Variants in MACROD2 observed in about 807,000 individuals in gnomAD.
MACROD2 encodes the protein ADP-ribose glycohydrolase MACROD2.
MACROD2 carries 36 observed loss-of-function variants against 70.4 expected under a neutral mutation model. That is an observed-to-expected ratio of 0.51 (90% CI 0.39 to 0.68). The LOEUF (loss-of-function observed/expected upper bound fraction) is 0.68. Ranked by LOEUF, MACROD2 falls within the 30% of genes least tolerant of loss-of-function variation. The pLI, the probability that MACROD2 is intolerant of heterozygous loss-of-function variation, is 0.00. For missense variants in MACROD2, 496 were observed against 538.4 expected, an observed-to-expected ratio of 0.92 and a Z score of 0.78; for synonymous variants, 172 against 178.8, an observed-to-expected ratio of 0.96 and a Z score of 0.30.
intron 8 of MACROD2, among the ~76,000 whole-genome samples, chr20:15,633,880 T>TTTTCTTA (rs1568941939): frequency 1.3e-5 from 2 of 152,210 alleles, no homozygotes; most frequent in Non-Finnish European, 2.9e-5. Context: ...AAGAAAAAGT[T>TTTTCTTA]CAACCTCTTT....
intron 5 of MACROD2, among the ~76,000 whole-genome samples, chr20:14,719,695 G>A (rs746351288): frequency 4.6e-5 from 7 of 151,970 alleles, no homozygotes; most frequent in East Asian, 1.9e-4. Context: ...CCAAATTCCC[G>A]GAAATGTTGT....
In MACROD2 at chr20:15,779,462, A is replaced by G. The variant is rs574235836; in HGVS notation, c.646-83283A>G. ...ATTCAGTGTGATGCTGTGAAACTCA[A>G]CCAATAACAGTTTGAAAGTGTGCCC... On this transcript the variant is annotated intron_variant, in intron 8 of 17. Coordinates refer to ENST00000684519, the MANE Select transcript of MACROD2 (RefSeq NM_001351661.2). Among the ~76,000 whole-genome samples, 5 of 152,284 alleles carry G rather than the reference A, an allele frequency of 3.3e-5. No individual in the cohort carries two copies. In the South Asian group the frequency reaches 1.0e-3, roughly 32 times the overall value.
chr20:15,172,312 A>G (rs2076428496), intron 5 of MACROD2, among the ~76,000 whole-genome samples: 1 of 152,214 alleles, frequency 6.6e-6, no homozygotes, highest in South Asian at 2.1e-4. Context: ...AAATCTGGAG[A>G]CCGGACAAAA....
intron 8 of MACROD2, among the ~76,000 whole-genome samples, chr20:15,513,509 G>T (rs1421654491): frequency 1.3e-5 from 2 of 152,134 alleles, no homozygotes; most frequent in Non-Finnish European, 2.9e-5. Flanking sequence ...GCAGCTTAGA[G>T]CCTTGAACTA....
In MACROD2 at chr20:15,570,453, G is replaced by A. The variant is rs1420438; in HGVS notation, c.645+70606G>A. 7.2e-5 allele frequency among the ~76,000 whole-genome samples: 11 copies of A among 151,992 alleles called. No individual in the cohort carries two copies. In the South Asian group the frequency reaches 1.0e-3, roughly 14 times the overall value. On this transcript the variant is annotated intron_variant, in intron 8 of 17. Coordinates refer to ENST00000684519, the MANE Select transcript of MACROD2 (RefSeq NM_001351661.2). ...ACGGAGAATAGAATGACTACAACTC[G>A]TATGTACATCTTTTAGTTATGAACG... is the stretch of plus-strand genomic sequence containing the variant.
intron 7 of MACROD2, among the ~76,000 whole-genome samples, chr20:15,488,891 G>A: frequency 6.6e-6 from 1 of 152,266 alleles, no homozygotes; most frequent in East Asian, 1.9e-4. Flanking sequence ...GGAACAGCTT[G>A]CATAGAATAG....
Position 15,896,606 on chromosome 20 carries a change from A to T in MACROD2, c.775+10795A>T, listed in dbSNP as rs191787025. ...CTCTTTCTCTTTCCTGGAAATTAGA[A>T]CAAATTTTTTGAAGGAAGAAATATT... On this transcript the variant is annotated intron_variant, in intron 10 of 17. Transcript: ENST00000684519. Among the ~76,000 whole-genome samples, 29 of 152,088 alleles carry T rather than the reference A, an allele frequency of 1.9e-4. No homozygotes were observed. The East Asian group carries it at 3.9e-3, about 20-fold the overall frequency.
chr20:14,675,686 T>A lies in MACROD2; in HGVS notation c.302-9157T>A, dbSNP rs180990391. Among the ~76,000 whole-genome samples the A allele has an allele frequency of 2.6e-5, 4 of 152,126 alleles. No individual in the cohort carries two copies. The East Asian group carries it at 7.7e-4, about 29-fold the overall frequency. On this transcript the variant is annotated intron_variant, in intron 4 of 17. Transcript: ENST00000684519. ...ACCAGCTAGCATCATAATGACAGGA[T>A]CAAATTCACACATAACAATATTAAC...
intron 8 of MACROD2, among the ~76,000 whole-genome samples, chr20:15,644,528 A>G (rs189647067): frequency 6.6e-6 from 1 of 152,298 alleles, no homozygotes; most frequent in Admixed American, 6.5e-5. Context: ...AATGACAATA[A>G]TACTTCTTTC....
intron 3 of MACROD2, among the ~76,000 whole-genome samples, chr20:14,157,904 C>A (rs1013724972): frequency 6.6e-6 from 1 of 152,124 alleles, no homozygotes; most frequent in African/African-American, 2.4e-5. Context: ...GGTATGTCTT[C>A]AACATATGGA....
chr20:15,736,018 G>C (rs1192445535), intron 8 of MACROD2, among the ~76,000 whole-genome samples: 1 of 152,284 alleles, frequency 6.6e-6, no homozygotes, highest in South Asian at 2.1e-4. Flanking sequence ...AGAGAAAGGG[G>C]CTTGGGCCCT....
intron 5 of MACROD2, among the ~76,000 whole-genome samples, chr20:14,863,062 C>G (rs1418249025): frequency 6.6e-6 from 1 of 151,938 alleles, no homozygotes; most frequent in African/African-American, 2.4e-5. Flanking sequence ...TATTCACTAG[C>G]CATTCTCCAA....
rs372857617 is a variant in MACROD2, at chr20:15,097,143, G to A, written c.419-132797G>A. ...TTTAAAAGTATTAATTTGCTTTTGC[G>A]AGACTCAATTGTATGCCAAAAATTA... On this transcript the variant is annotated intron_variant, in intron 5 of 17. Coordinates refer to ENST00000684519, the MANE Select transcript of MACROD2 (RefSeq NM_001351661.2). 5.3e-5 allele frequency among the ~76,000 whole-genome samples: 8 copies of A among 152,102 alleles called. No homozygotes were observed. The South Asian group carries it at 6.2e-4, about 12-fold the overall frequency.
chr20:14,900,791 C>T (rs111762371), intron 5 of MACROD2, among the ~76,000 whole-genome samples: 19 of 151,572 alleles, frequency 1.3e-4, no homozygotes, highest in African/African-American at 4.1e-4. Flanking sequence ...TTATTCTATT[C>T]TCTATTTCAT....
intron 6 of MACROD2, among the ~76,000 whole-genome samples, chr20:15,406,394 T>C (rs1160650243): frequency 6.6e-6 from 1 of 152,228 alleles, no homozygotes; most frequent in Non-Finnish European, 1.5e-5. Flanking sequence ...GCTAAGCATG[T>C]TACCAGATGA....
At chr20:14,973,070 CAGTTGA>C (rs1356566947) in intron 5 of MACROD2, among the ~76,000 whole-genome samples, 2 of 152,004 alleles carry the variant, frequency 1.3e-5, no homozygotes, top group Non-Finnish European at 2.9e-5. Flanking sequence ...CCTCATTATA[CAGTTGA>C]AGAAATGAGG....
chr20:14,793,665 C>T (rs1313159883), intron 5 of MACROD2, among the ~76,000 whole-genome samples: 3 of 151,976 alleles, frequency 2.0e-5, no homozygotes, highest in Admixed American at 6.6e-5. Flanking sequence ...AAGACATTCG[C>T]GTTATCAGAT....
intron 5 of MACROD2, among the ~76,000 whole-genome samples, chr20:15,208,822 C>T (rs2076734532): frequency 6.6e-6 from 1 of 152,132 alleles, no homozygotes; most frequent in South Asian, 2.1e-4. Flanking sequence ...AGTAAAAGTG[C>T]CAGCTTCCTA....
In MACROD2 at chr20:15,885,655, A is replaced by G. The variant is rs971863206; in HGVS notation, c.728-109A>G. 3 of 1,036,102 alleles carry G rather than the reference A, an allele frequency of 2.9e-6. No individual in the cohort carries two copies. In the African/African-American group the frequency reaches 5.0e-5, roughly 17 times the overall value. 64.2% of individuals were successfully genotyped at this position (1,036,102 alleles called of 1,614,324 possible). On this transcript the variant is annotated intron_variant, in intron 9 of 17. Coordinates refer to ENST00000684519, the MANE Select transcript of MACROD2 (RefSeq NM_001351661.2). ...TGCATGTTTTAACAGTCTGTTTTCTACTGATCTGTTATCCCTTTCTTTGAT... is the reference window on the plus strand; with the variant it reads ...TGCATGTTTTAACAGTCTGTTTTCTGCTGATCTGTTATCCCTTTCTTTGAT...
Sources: gnomAD v4.1 joint callset for allele counts (sites outside exome capture counted in the v4.1 genomes callset) on GRCh38, gnomAD v4.1.1 for gene constraint, MANE v1.5 for transcripts, NCBI Gene and HGNC (gene_info 2026-07-23, HGNC 2026-07-21) for gene names.